AGMO: variants seen among roughly 807,000 people sequenced by gnomAD.
AGMO encodes the protein glyceryl-ether monooxygenase.
In AGMO, 75 loss-of-function variants were observed where a neutral mutation model predicts 60.2. The ratio of observed to expected loss-of-function variants is 1.25; its 90% CI spans 1.03 to 1.51. AGMO has a LOEUF of 1.51. AGMO is among the 40% of genes most tolerant of loss of function. AGMO has a pLI of 0.00. For missense variants in AGMO, 763 were observed against 525.5 expected, an observed-to-expected ratio of 1.45 and a Z score of -4.42; for synonymous variants, 261 against 177.1, an observed-to-expected ratio of 1.47 and a Z score of -3.76.
chr7:15,365,380 T>TAAAA lies in AGMO; in HGVS notation c.1263+130_1263+133dup, dbSNP rs60202363. The TAAAA allele has an allele frequency of 1.3e-4, 28 of 223,996 alleles. 1 individual carries two copies. Among genetic ancestry groups the TAAAA allele is most frequent in the African/African-American group, 5.8e-4 (10 of 17,272 alleles). The allele number at this position is 223,996 out of a possible 1,614,324, so 13.9% of individuals were successfully genotyped here. ...GACACAACTAACAAGTACTGGTAAG[T>TAAAA]AAAAAAAAAAAAAAAGATCAAGATT... On this transcript the variant is annotated intron_variant, in intron 12 of 12. Coordinates refer to ENST00000342526, the MANE Select transcript of AGMO (RefSeq NM_001004320.2).
At chr7:15,302,740 A>C (rs547949046) in intron 12 of AGMO, among the ~76,000 whole-genome samples, 6 of 152,178 alleles carry the variant, frequency 3.9e-5, no homozygotes, top group African/African-American at 1.4e-4. Flanking sequence ...TGTTTTGTTC[A>C]TTGCTGTACC....
At position 15,325,732 on chromosome 7, in the gene AGMO, TCATC is replaced by T. The variant is rs200881431; in HGVS notation, c.1263+39778_1263+39781del. 7.1e-3 allele frequency among the ~76,000 whole-genome samples: 1,084 copies of T among 152,276 alleles called. 9 individuals carry two copies. Among genetic ancestry groups the T allele is most frequent in the African/African-American group, 0.024 (1,001 of 41,570 alleles). On this transcript the variant is annotated intron_variant, in intron 12 of 12. Transcript: ENST00000342526. ...TATCAGCTCACATTTTACTTTTGAG[TCATC>T]CAAATTTTGTCATCCAATTATTTTT...
intron 5 of AGMO, among the ~76,000 whole-genome samples, chr7:15,415,864 C>T (rs968708959): frequency 1.1e-4 from 16 of 152,074 alleles, no homozygotes; most frequent in African/African-American, 3.9e-4. Flanking sequence ...GAGACTATAA[C>T]TGAATATGTG....
chr7:15,507,909 G>C (rs1783562090), intron 3 of AGMO, among the ~76,000 whole-genome samples: 1 of 152,050 alleles, frequency 6.6e-6, no homozygotes, highest in Admixed American at 6.6e-5. Context: ...GATATGAAAG[G>C]GGTGGGATAG....
chr7:15,519,595 C>A (rs1407005130), intron 3 of AGMO, among the ~76,000 whole-genome samples: 1 of 152,130 alleles, frequency 6.6e-6, no homozygotes, highest in Non-Finnish European at 1.5e-5. Flanking sequence ...CCTTTACAGA[C>A]AAGCAAATGC....
At chr7:15,188,023 C>A in the AGMO span, among the ~76,000 whole-genome samples, 1 of 152,160 alleles carries the variant, frequency 6.6e-6, no homozygotes, top group Non-Finnish European at 1.5e-5. Flanking sequence ...ACTCACTATT[C>A]TCCTTTTAGT....
rs535680980 is a variant in AGMO, at chr7:15,499,357, C to T, written c.409+45415G>A. On this transcript the variant is annotated intron_variant, in intron 3 of 12. Transcript: ENST00000342526. ...AAAACTTTGAAGCAAACCCTCACCT[C>T]TACATGTACGTAAAAAGTTGTAACA... Among the ~76,000 whole-genome samples the T allele has an allele frequency of 1.2e-4, 19 of 152,036 alleles. No homozygotes were observed. In the South Asian group the frequency reaches 3.7e-3, roughly 30 times the overall value.
chr7:15,290,796 A>G (rs1405973186), intron 12 of AGMO, among the ~76,000 whole-genome samples: 1 of 152,206 alleles, frequency 6.6e-6, no homozygotes, highest in Non-Finnish European at 1.5e-5. Flanking sequence ...TGATTTTAAA[A>G]CAATCTGAAT....
chr7:15,353,305 T>C (rs951471123), intron 12 of AGMO, among the ~76,000 whole-genome samples: 1 of 152,178 alleles, frequency 6.6e-6, no homozygotes, highest in African/African-American at 2.4e-5. Context: ...GGTTCCTTGG[T>C]GAAGAACAAG....
chr7:15,432,550 G>C (rs1387273178), intron 3 of AGMO, among the ~76,000 whole-genome samples: 1 of 151,402 alleles, frequency 6.6e-6, no homozygotes, highest in African/African-American at 2.4e-5. Flanking sequence ...ATTATAAACA[G>C]AACTGTGGTT....
At chr7:15,256,236 G>A (rs956065883) in intron 12 of AGMO, among the ~76,000 whole-genome samples, 4 of 152,208 alleles carry the variant, frequency 2.6e-5, no homozygotes, top group African/African-American at 9.7e-5. Context: ...GTTTTGTAAA[G>A]AACATCTCCA....
the AGMO span, among the ~76,000 whole-genome samples, chr7:15,171,203 G>A: frequency 1.3e-5 from 2 of 151,934 alleles, no homozygotes; most frequent in African/African-American, 2.4e-5. Flanking sequence ...GGATGGTCTG[G>A]ATCTCCTGAC....
the AGMO span, among the ~76,000 whole-genome samples, chr7:15,176,418 C>T: frequency 6.6e-6 from 1 of 151,856 alleles, no homozygotes; most frequent in African/African-American, 2.4e-5. Flanking sequence ...AATGTTTCTT[C>T]TTTGCAATCA....
At chr7:15,210,573 C>G (rs745411218) in intron 12 of AGMO, among the ~76,000 whole-genome samples, 3 of 151,904 alleles carry the variant, frequency 2.0e-5, no homozygotes, top group African/African-American at 7.2e-5. Flanking sequence ...AAGAATTTAC[C>G]TAAAGGAATT....
chr7:15,510,172 T>G (rs1473484057), intron 3 of AGMO, among the ~76,000 whole-genome samples: 1 of 152,068 alleles, frequency 6.6e-6, no homozygotes, highest in Non-Finnish European at 1.5e-5. Flanking sequence ...AAGCATCTTT[T>G]GTTTTGTTTT....
intron 12 of AGMO, among the ~76,000 whole-genome samples, chr7:15,363,968 A>G (rs1360600913): frequency 6.6e-6 from 1 of 151,962 alleles, no homozygotes; most frequent in African/African-American, 2.4e-5. Flanking sequence ...ATTTTATTAA[A>G]TATGTATAAT....
chr7:15,303,285 T>A (rs1220067276), intron 12 of AGMO, among the ~76,000 whole-genome samples: 1 of 152,168 alleles, frequency 6.6e-6, no homozygotes, highest in Admixed American at 6.6e-5. Flanking sequence ...TAAATTTTAA[T>A]TAAATGTCAG....
At chr7:15,381,618 T>C (rs1055043770) in intron 10 of AGMO, among the ~76,000 whole-genome samples, 12 of 152,104 alleles carry the variant, frequency 7.9e-5, no homozygotes, top group African/African-American at 2.4e-4. Context: ...CAGTGTGGAA[T>C]TCCTCAAAGA....
At chr7:15,213,940 G>C (rs931382686) in intron 12 of AGMO, among the ~76,000 whole-genome samples, 3 of 151,970 alleles carry the variant, frequency 2.0e-5, no homozygotes, top group African/African-American at 7.2e-5. Context: ...AATTTCACAG[G>C]TAAAAACATT....
Sources: gnomAD v4.1 joint callset for allele counts (sites outside exome capture counted in the v4.1 genomes callset) on GRCh38, gnomAD v4.1.1 for gene constraint, MANE v1.5 for transcripts, NCBI Gene and HGNC (gene_info 2026-07-23, HGNC 2026-07-21) for gene names.